Variants in SKAP1 observed in about 807,000 individuals in gnomAD.
SKAP1 encodes the protein src kinase-associated phosphoprotein 1.
In SKAP1, 44 loss-of-function variants were observed where a neutral mutation model predicts 58.5. That is an observed-to-expected ratio of 0.75 (90% CI 0.59 to 0.97). The LOEUF is 0.97. Ranked by LOEUF, SKAP1 falls within the 50% of genes least tolerant of loss-of-function variation. The probability of loss-of-function intolerance (pLI) is 0.00; values close to 1 mark genes in which losing one functional copy is unlikely to be tolerated. For synonymous variants in SKAP1, 127 were observed against 149.7 expected (o/e 0.85, Z 1.11); for missense variants, 390 against 435.2 (o/e 0.90, Z 0.92).
At chr17:48,205,532 T>C (rs1437358209) in intron 4 of SKAP1, among the ~76,000 whole-genome samples, 1 of 152,118 alleles carries the variant, frequency 6.6e-6, no homozygotes, top group Admixed American at 6.5e-5. Flanking sequence ...CTCAAAATGA[T>C]AGGAATCTTT....
chr17:48,396,115 A>G (rs2067415011), intron 2 of SKAP1, among the ~76,000 whole-genome samples: 1 of 152,198 alleles, frequency 6.6e-6, no homozygotes, highest in Non-Finnish European at 1.5e-5. Flanking sequence ...TTCCCCAAGC[A>G]AGTGTTTGCA....
intron 11 of SKAP1, among the ~76,000 whole-genome samples, chr17:48,144,045 T>G (rs892810836): frequency 6.6e-6 from 1 of 152,304 alleles, no homozygotes. Flanking sequence ...CGACTGCAGA[T>G]GTAGAAGCCT....
At chr17:48,442,225 G>A in the SKAP1 span, among the ~76,000 whole-genome samples, 2,311 of 152,274 alleles carry the variant, frequency 0.015, 103 homozygotes, top group Admixed American at 0.082. Flanking sequence ...GTGAGGTGGT[G>A]TCAATTACAT....
At chr17:48,237,135 C>T (rs150771817) in intron 4 of SKAP1, among the ~76,000 whole-genome samples, 10 of 152,280 alleles carry the variant, frequency 6.6e-5, no homozygotes, top group African/African-American at 2.2e-4. Flanking sequence ...TTCCACCTTA[C>T]GTATTACAAG....
chr17:48,325,141 C>T (rs2066418027), intron 4 of SKAP1, among the ~76,000 whole-genome samples: 1 of 145,914 alleles, frequency 6.9e-6, no homozygotes, highest in Admixed American at 7.0e-5. Flanking sequence ...CCCAGCTACT[C>T]GGGAGGCTGA....
At chr17:48,174,229 G>A (rs746653130) in intron 9 of SKAP1, among the ~76,000 whole-genome samples, 8 of 152,174 alleles carry the variant, frequency 5.3e-5, no homozygotes, top group Non-Finnish European at 1.2e-4. Flanking sequence ...TGTAAACGGG[G>A]AAGCTCCAAT....
At chr17:48,423,289 A>T (rs1269301669) in intron 1 of SKAP1, among the ~76,000 whole-genome samples, 2 of 152,210 alleles carry the variant, frequency 1.3e-5, no homozygotes, top group Non-Finnish European at 2.9e-5. Context: ...ACAAAACTGA[A>T]GGCCAAAAAA....
At chr17:48,362,603 G>GT (rs1440757755) in intron 3 of SKAP1, among the ~76,000 whole-genome samples, 1 of 152,198 alleles carries the variant, frequency 6.6e-6, no homozygotes, top group Admixed American at 6.5e-5. Flanking sequence ...GAGATATGTA[G>GT]TAACAGCACA....
At chr17:48,291,750 A>G (rs2065899582) in intron 4 of SKAP1, among the ~76,000 whole-genome samples, 1 of 152,188 alleles carries the variant, frequency 6.6e-6, no homozygotes, top group African/African-American at 2.4e-5. Context: ...AACCTGGGTA[A>G]TGCGCTAAAA....
intron 11 of SKAP1, among the ~76,000 whole-genome samples, chr17:48,152,824 G>A (rs2063918154): frequency 6.6e-6 from 1 of 152,210 alleles, no homozygotes; most frequent in South Asian, 2.1e-4. Flanking sequence ...AGACGAAGAC[G>A]TTAACAGCAT....
intron 1 of SKAP1, among the ~76,000 whole-genome samples, chr17:48,418,096 T>C (rs1598681489): frequency 6.6e-6 from 1 of 152,174 alleles, no homozygotes; most frequent in East Asian, 1.9e-4. Flanking sequence ...AAGACCAGAC[T>C]GGACAATACA....
intron 4 of SKAP1, among the ~76,000 whole-genome samples, chr17:48,253,595 A>G (rs2065391166): frequency 6.6e-6 from 1 of 152,158 alleles, no homozygotes; most frequent in African/African-American, 2.4e-5. Flanking sequence ...GCTACAGGAT[A>G]CTTCTCTTAG....
chr17:48,206,868 G>T (rs919907940), intron 4 of SKAP1, among the ~76,000 whole-genome samples: 2 of 152,102 alleles, frequency 1.3e-5, no homozygotes, highest in Non-Finnish European at 2.9e-5. Flanking sequence ...TGTGGCCAAG[G>T]CTGAATTCAA....
intron 10 of SKAP1, among the ~76,000 whole-genome samples, chr17:48,168,796 C>A (rs907146048): frequency 4.6e-5 from 7 of 152,204 alleles, no homozygotes; most frequent in Admixed American, 2.6e-4. Context: ...GGGCTGCCTG[C>A]CCTTCCCCCA....
chr17:48,427,813 A>G (rs2067870475), intron 1 of SKAP1, among the ~76,000 whole-genome samples: 1 of 151,946 alleles, frequency 6.6e-6, no homozygotes, highest in Non-Finnish European at 1.5e-5. Context: ...TGGCAGCACT[A>G]GAGTTGCAGC....
chr17:48,387,136 C>G (rs750833089), intron 2 of SKAP1, among the ~76,000 whole-genome samples: 1 of 152,190 alleles, frequency 6.6e-6, no homozygotes. Context: ...ACATTTTTCT[C>G]CTACAAGATT....
At chr17:48,210,631 T>C (rs2064860729) in intron 4 of SKAP1, among the ~76,000 whole-genome samples, 2 of 152,126 alleles carry the variant, frequency 1.3e-5, no homozygotes, top group South Asian at 4.1e-4. Context: ...TCACAGCAAT[T>C]TTAACAAACT....
chr17:48,315,284 A>C (rs1420879783), intron 4 of SKAP1, among the ~76,000 whole-genome samples: 1 of 152,190 alleles, frequency 6.6e-6, no homozygotes, highest in Non-Finnish European at 1.5e-5. Context: ...CATGCTCTGA[A>C]ATGATCCTCT....
chr17:48,137,272 C>T lies in SKAP1; in HGVS notation c.1044G>A (p.Glu348=), dbSNP rs1200250724. 3 of 1,613,736 alleles carry T rather than the reference C, an allele frequency of 1.9e-6. No homozygotes were observed. Among genetic ancestry groups the T allele is most frequent in the Non-Finnish European group, 2.5e-6 (3 of 1,179,794 alleles). The change falls in exon 12 of 13, where the codon GAG becomes GAA. Residue 348 remains glutamate (E), a synonymous_variant. Coordinates refer to ENST00000336915, the MANE Select transcript of SKAP1 (RefSeq NM_003726.4). ...CCACTTCAAAGGCAGTGGTGAGATACTCCTTTGGAACAATCCCAACGAGGC... is the reference window on the plus strand; with the variant it reads ...CCACTTCAAAGGCAGTGGTGAGATATTCCTTTGGAACAATCCCAACGAGGC... ...LNSLVGIVPK[E]YLTTAFEVEE...
Sources: allele counts gnomAD v4.1 joint callset (sites outside exome capture counted in the v4.1 genomes callset), GRCh38; gene constraint gnomAD v4.1.1; transcripts MANE v1.5; gene names NCBI Gene and HGNC (gene_info 2026-07-23, HGNC 2026-07-21).